The following NXPE2 variants were observed in gnomAD, a reference collection of about 807,000 sequenced individuals.
The protein encoded by NXPE2 is NXPE family member 2.
Under a neutral mutation model 34.4 loss-of-function variants are expected in NXPE2, and 34 were observed. That is an observed-to-expected ratio of 0.99 (90% CI 0.75 to 1.31). NXPE2 has a LOEUF of 1.31. NXPE2 is among the 40% of genes most tolerant of loss of function. NXPE2 has a pLI of 0.00. For missense variants in NXPE2, 649 were observed against 672.5 expected (o/e 0.97, Z 0.39); for synonymous variants, 235 against 231.3 (o/e 1.02, Z -0.15).
At chr11:114,625,030 C>T in the NXPE2 span, among the ~76,000 whole-genome samples, 8 of 151,912 alleles carry the variant, frequency 5.3e-5, no homozygotes, top group East Asian at 1.9e-4. Flanking sequence ...AGTGTTGCCT[C>T]GGGGGTAAAC....
chr11:114,493,123 T>C, the NXPE2 span, among the ~76,000 whole-genome samples: 4 of 152,182 alleles, frequency 2.6e-5, no homozygotes, highest in African/African-American at 7.2e-5. Flanking sequence ...GTATAGCTAC[T>C]CCTGCTATAC....
the NXPE2 span, among the ~76,000 whole-genome samples, chr11:114,771,426 C>T: frequency 6.6e-6 from 1 of 150,816 alleles, no homozygotes; most frequent in African/African-American, 2.4e-5. Flanking sequence ...TCAGCATCAG[C>T]TCAGGGGAAG....
chr11:114,773,279 A>ACCCCCCCCCCCC, the NXPE2 span, among the ~76,000 whole-genome samples: 26 of 69,408 alleles, frequency 3.7e-4, no homozygotes, highest in Non-Finnish European at 4.7e-4. Context: ...ACCCACTCCC[A>ACCCCCCCCCCCC]CCCCCCCCCC....
the NXPE2 span, among the ~76,000 whole-genome samples, chr11:114,547,896 G>A: frequency 7.8e-4 from 118 of 152,158 alleles, no homozygotes; most frequent in African/African-American, 2.8e-3. Context: ...TGAAATGGAG[G>A]ATATTGGGTA....
the NXPE2 span, among the ~76,000 whole-genome samples, chr11:114,640,245 A>G: frequency 7.8e-5 from 11 of 141,360 alleles, no homozygotes; most frequent in Admixed American, 1.5e-4. Flanking sequence ...TATATATTAT[A>G]AAATATAAAA....
chr11:114,729,167 T>C, the NXPE2 span, among the ~76,000 whole-genome samples: 45,250 of 152,028 alleles, frequency 0.3, 7,360 homozygotes, highest in Middle Eastern at 0.41. Flanking sequence ...GAACATGTGG[T>C]ATTTGGTTTT....
At chr11:114,538,369 G>T in the NXPE2 span, among the ~76,000 whole-genome samples, 2 of 152,152 alleles carry the variant, frequency 1.3e-5, no homozygotes. Context: ...ATAGGCATGG[G>T]CAAGGACTTC....
upstream of NXPE2, among the ~76,000 whole-genome samples, chr11:114,677,828 G>A (rs1210929703): frequency 6.6e-6 from 1 of 152,056 alleles, no homozygotes; most frequent in Admixed American, 6.6e-5. Flanking sequence ...GCAGAGCAAT[G>A]CATACTGAGT....
the NXPE2 span, chr11:114,530,494 A>C: frequency 6.2e-7 from 1 of 1,613,994 alleles, no homozygotes; most frequent in Non-Finnish European, 8.5e-7. Context: ...TGGCCCTCCC[A>C]GAACAGAGTG....
At chr11:114,626,871 T>G in the NXPE2 span, among the ~76,000 whole-genome samples, 1 of 151,952 alleles carries the variant, frequency 6.6e-6, no homozygotes, top group Non-Finnish European at 1.5e-5. Context: ...ACGTGAAGAA[T>G]GCAGAAGCCT....
chr11:114,775,455 A>G, the NXPE2 span, among the ~76,000 whole-genome samples: 1 of 152,238 alleles, frequency 6.6e-6, no homozygotes, highest in East Asian at 1.9e-4. Flanking sequence ...GAGTGGTAGG[A>G]GGGAGGATCT....
chr11:114,626,597 C>T, the NXPE2 span, among the ~76,000 whole-genome samples: 1 of 152,122 alleles, frequency 6.6e-6, no homozygotes, highest in Non-Finnish European at 1.5e-5. Flanking sequence ...AAACGGGAAA[C>T]TCTAAAAAGC....
chr11:114,522,179 T>C, the NXPE2 span: 2 of 1,614,108 alleles, frequency 1.2e-6, no homozygotes, highest in Non-Finnish European at 1.7e-6. Flanking sequence ...CCTGATGTTT[T>C]CTGTCTTAAT....
At chr11:114,547,911 G>T in the NXPE2 span, among the ~76,000 whole-genome samples, 1 of 152,030 alleles carries the variant, frequency 6.6e-6, no homozygotes, top group Admixed American at 6.6e-5. Flanking sequence ...TGGGTACAGG[G>T]TATAGAAGAA....
At chr11:114,574,063 C>G in the NXPE2 span, among the ~76,000 whole-genome samples, 1 of 152,030 alleles carries the variant, frequency 6.6e-6, no homozygotes, top group Admixed American at 6.6e-5. Flanking sequence ...AAGGAACCCT[C>G]AAAACCATGC....
At chr11:114,679,035 TA>T (rs1472028272) in intron 1 of NXPE2, among the ~76,000 whole-genome samples, 1 of 152,030 alleles carries the variant, frequency 6.6e-6, no homozygotes, top group East Asian at 1.9e-4. Context: ...TTCTGGGTTT[TA>T]AAAACTAACA....
At chr11:114,479,176 A>C in the NXPE2 span, among the ~76,000 whole-genome samples, 6 of 152,184 alleles carry the variant, frequency 3.9e-5, no homozygotes, top group Non-Finnish European at 5.9e-5. Context: ...ATACTTTAAC[A>C]AGCTCCTCTT....
At chr11:114,625,316 T>C in the NXPE2 span, among the ~76,000 whole-genome samples, 48 of 152,266 alleles carry the variant, frequency 3.2e-4, no homozygotes, top group East Asian at 9.1e-3. Flanking sequence ...GGATAATAAG[T>C]GTTGCACTGT....
the NXPE2 span, among the ~76,000 whole-genome samples, chr11:114,477,399 T>C: frequency 6.6e-6 from 1 of 152,222 alleles, no homozygotes; most frequent in Admixed American, 6.5e-5. Flanking sequence ...GCGATGGATA[T>C]ATTAAATAGC....
Sources: gnomAD v4.1 joint callset for allele counts (sites outside exome capture counted in the v4.1 genomes callset) on GRCh38, gnomAD v4.1.1 for gene constraint, MANE v1.5 for transcripts, NCBI Gene and HGNC (gene_info 2026-07-23, HGNC 2026-07-21) for gene names.